The following MACROD2 variants were observed in gnomAD, a reference collection of about 807,000 sequenced individuals.
MACROD2 encodes ADP-ribose glycohydrolase MACROD2.
A neutral mutation model predicts 70.4 loss-of-function variants in MACROD2; 36 were observed. The ratio of observed to expected loss-of-function variants is 0.51; its 90% CI spans 0.39 to 0.68. The LOEUF is 0.68. MACROD2 is among the 30% of genes least tolerant of loss of function. The pLI is 0.00. For missense variants in MACROD2, 496 were observed against 538.4 expected (o/e 0.92, Z 0.78); for synonymous variants, 172 against 178.8 (o/e 0.96, Z 0.30).
chr20:14,675,686 T>G (rs180990391), intron 4 of MACROD2, among the ~76,000 whole-genome samples: 1 of 152,008 alleles, frequency 6.6e-6, no homozygotes, highest in Non-Finnish European at 1.5e-5. Flanking sequence ...AATGACAGGA[T>G]CAAATTCACA....
intron 5 of MACROD2, among the ~76,000 whole-genome samples, chr20:15,157,349 A>ACCCCCCCCCCCCCC (rs71870874): frequency 9.1e-6 from 1 of 109,396 alleles, no homozygotes; most frequent in Non-Finnish European, 1.9e-5. Context: ...CTAATTAACC[A>ACCCCCCCCCCCCCC]CCCCCCCCCA....
At chr20:14,563,010 A>G (rs973040560) in intron 4 of MACROD2, among the ~76,000 whole-genome samples, 5 of 151,858 alleles carry the variant, frequency 3.3e-5, no homozygotes, top group Non-Finnish European at 4.4e-5. Context: ...CTATCTCAGC[A>G]TTGGCATAAA....
At chr20:15,305,411 A>C (rs1233029257) in intron 6 of MACROD2, among the ~76,000 whole-genome samples, 1 of 152,096 alleles carries the variant, frequency 6.6e-6, no homozygotes, top group East Asian at 1.9e-4. Context: ...AATTTTTATC[A>C]TGTTTATTTT....
At chr20:14,544,068 G>A (rs2085463970) in intron 4 of MACROD2, among the ~76,000 whole-genome samples, 1 of 152,110 alleles carries the variant, frequency 6.6e-6, no homozygotes, top group Non-Finnish European at 1.5e-5. Flanking sequence ...TCCTATAAAA[G>A]GCTAATGTGG....
At chr20:14,370,343 G>A (rs2083310604) in intron 3 of MACROD2, among the ~76,000 whole-genome samples, 1 of 152,062 alleles carries the variant, frequency 6.6e-6, no homozygotes. Flanking sequence ...TAGCTTTTGA[G>A]GAAACTTCAG....
intron 5 of MACROD2, among the ~76,000 whole-genome samples, chr20:15,111,782 A>G (rs2075957346): frequency 6.6e-6 from 1 of 152,220 alleles, no homozygotes; most frequent in African/African-American, 2.4e-5. Context: ...TTAGGCAAGG[A>G]GCAAGCCAAC....
chr20:14,461,271 C>T (rs553165204), intron 3 of MACROD2, among the ~76,000 whole-genome samples: 1 of 151,814 alleles, frequency 6.6e-6, no homozygotes, highest in Admixed American at 6.6e-5. Flanking sequence ...CAGTGGTGAT[C>T]GCCCCTTTAT....
intron 5 of MACROD2, among the ~76,000 whole-genome samples, chr20:14,873,111 A>G (rs1384957858): frequency 6.6e-6 from 1 of 152,174 alleles, no homozygotes; most frequent in Non-Finnish European, 1.5e-5. Flanking sequence ...GCCTGACAAT[A>G]TCACAAAAAC....
chr20:14,314,691 C>T (rs1028219097), intron 3 of MACROD2, among the ~76,000 whole-genome samples: 13 of 151,968 alleles, frequency 8.6e-5, no homozygotes, highest in Non-Finnish European at 1.3e-4. Context: ...ACCTGGGAGG[C>T]GGAGGTTGGG....
chr20:15,139,772 A>C (rs1380167446), intron 5 of MACROD2, among the ~76,000 whole-genome samples: 1 of 152,204 alleles, frequency 6.6e-6, no homozygotes. Context: ...ACCTTGGCTC[A>C]TCTGAGACTG....
intron 5 of MACROD2, among the ~76,000 whole-genome samples, chr20:14,952,480 A>G (rs2074483634): frequency 6.6e-6 from 1 of 152,146 alleles, no homozygotes; most frequent in Non-Finnish European, 1.5e-5. Context: ...CGTTTTCTGA[A>G]CTTGCTTTCT....
chr20:15,151,335 C>T (rs1418551316), intron 5 of MACROD2, among the ~76,000 whole-genome samples: 1 of 152,070 alleles, frequency 6.6e-6, no homozygotes, highest in African/African-American at 2.4e-5. Flanking sequence ...TGCCTGGCTG[C>T]TGCGGTTCAG....
Position 15,560,716 on chromosome 20 carries a change from T to C in MACROD2, c.645+60869T>C, listed in dbSNP as rs1432442996. Among the ~76,000 whole-genome samples, 4 of 133,112 alleles carry C rather than the reference T, an allele frequency of 3.0e-5. No homozygotes were observed. In the East Asian group the frequency reaches 8.9e-4, roughly 30 times the overall value. The allele number at this position is 133,112 out of a possible 152,430, so 87.3% of individuals were successfully genotyped here. On this transcript the variant is annotated intron_variant, in intron 8 of 17. Coordinates refer to ENST00000684519, the MANE Select transcript of MACROD2 (RefSeq NM_001351661.2). Reference sequence around the variant, plus strand: ...AGGCAGAGGTTGCAGCAGGACTAGATTGCACCACTGCACTCCAGCCTGGGC... The same window carrying C: ...AGGCAGAGGTTGCAGCAGGACTAGACTGCACCACTGCACTCCAGCCTGGGC...
intron 6 of MACROD2, among the ~76,000 whole-genome samples, chr20:15,418,116 G>A (rs774688804): frequency 2.0e-5 from 3 of 152,130 alleles, no homozygotes; most frequent in Admixed American, 1.3e-4. Flanking sequence ...CTCTGGGGAG[G>A]TTACTCACCC....
intron 6 of MACROD2, among the ~76,000 whole-genome samples, chr20:15,368,322 A>T (rs551610953): frequency 6.6e-6 from 1 of 151,754 alleles, no homozygotes; most frequent in East Asian, 1.9e-4. Flanking sequence ...AGTAATTTGT[A>T]ATGCCATTAT....
intron 4 of MACROD2, among the ~76,000 whole-genome samples, chr20:14,508,763 C>T (rs1198355061): frequency 6.6e-6 from 1 of 152,112 alleles, no homozygotes; most frequent in Non-Finnish European, 1.5e-5. Context: ...TTTTCAAACA[C>T]ATAGAAAATT....
In MACROD2 at chr20:14,990,186, C is replaced by T. The variant is rs530359134; in HGVS notation, c.419-239754C>T. Among the ~76,000 whole-genome samples, 3 of 152,148 alleles carry T rather than the reference C, an allele frequency of 2.0e-5. No individual in the cohort carries two copies. In the South Asian group the frequency reaches 6.2e-4, roughly 32 times the overall value. ...GCCAGCTGTTCACATTTCCAAAACC[C>T]CTATGTCAACGAATGGGTTTTGGAA... On this transcript the variant is annotated intron_variant, in intron 5 of 17. Transcript: ENST00000684519.
chr20:14,565,042 T>A (rs746401803), intron 4 of MACROD2, among the ~76,000 whole-genome samples: 1 of 151,898 alleles, frequency 6.6e-6, no homozygotes, highest in Non-Finnish European at 1.5e-5. Flanking sequence ...GCAACATGGA[T>A]AGAACAGGAG....
chr20:14,205,006 A>C (rs1295335421), intron 3 of MACROD2, among the ~76,000 whole-genome samples: 2 of 152,192 alleles, frequency 1.3e-5, no homozygotes, highest in Non-Finnish European at 2.9e-5. Flanking sequence ...TAGAGAGAGG[A>C]AATGCTGTAA....
Sources: allele counts gnomAD v4.1 joint callset (sites outside exome capture counted in the v4.1 genomes callset), GRCh38; gene constraint gnomAD v4.1.1; transcripts MANE v1.5; gene names NCBI Gene and HGNC (gene_info 2026-07-23, HGNC 2026-07-21).